The following C13orf46 variants were observed in gnomAD, a reference collection of about 807,000 sequenced individuals.
C13orf46 encodes uncharacterized protein C13orf46.
At chr13:113,957,541 A>C (rs1320200685) in intron 6 of C13orf46, among the ~76,000 whole-genome samples, 4 of 83,716 alleles carry the variant, frequency 4.8e-5, no homozygotes, top group Non-Finnish European at 7.0e-5. Flanking sequence ...TCTCCCCTGC[A>C]CTCTGCCTGC....
At chr13:113,965,688 G>T (rs1480057374) in intron 5 of C13orf46, among the ~76,000 whole-genome samples, 1 of 152,188 alleles carries the variant, frequency 6.6e-6, no homozygotes, top group African/African-American at 2.4e-5. Context: ...TGGTGATGAT[G>T]ATGGTGACAA....
intron 1 of C13orf46, among the ~76,000 whole-genome samples, chr13:113,973,605 C>T (rs1452194289): frequency 1.3e-5 from 2 of 152,230 alleles, no homozygotes; most frequent in African/African-American, 4.8e-5. Context: ...GCCCCACGCC[C>T]CCCTGCAATG....
intron 6 of C13orf46, among the ~76,000 whole-genome samples, chr13:113,958,860 G>A (rs1258879382): frequency 2.6e-5 from 4 of 151,664 alleles, no homozygotes; most frequent in Non-Finnish European, 4.4e-5. Context: ...ACGTGGTGGG[G>A]TCTCTCCTGG....
chr13:113,971,866 T>C (rs61967978), intron 1 of C13orf46, among the ~76,000 whole-genome samples: 5,869 of 152,294 alleles, frequency 0.039, 160 homozygotes, highest in Middle Eastern at 0.095. Flanking sequence ...TGGAAATGCC[T>C]CCTGCTCTTC....
chr13:113,929,728 C>A, the C13orf46 span, among the ~76,000 whole-genome samples: 4 of 152,206 alleles, frequency 2.6e-5, no homozygotes. Flanking sequence ...ACATTGGAGC[C>A]CCCCTCTGGA....
At chr13:113,965,907 G>A (rs1465659139) in intron 5 of C13orf46, among the ~76,000 whole-genome samples, 23 of 136,610 alleles carry the variant, frequency 1.7e-4, no homozygotes, top group African/African-American at 4.0e-4. Context: ...TGATGATGGC[G>A]ATGGTGATGG....
At chr13:113,930,366 A>G in the C13orf46 span, among the ~76,000 whole-genome samples, 153 of 82,668 alleles carry the variant, frequency 1.9e-3, no homozygotes, top group African/African-American at 5.4e-3. Context: ...GTGGGGGCGC[A>G]GGAGCACCGA....
At chr13:113,938,442 CG>C in the C13orf46 span, among the ~76,000 whole-genome samples, 25 of 152,192 alleles carry the variant, frequency 1.6e-4, no homozygotes, top group African/African-American at 6.0e-4. Context: ...CCTTGGCCCA[CG>C]GCCCATCTTC....
downstream of C13orf46, among the ~76,000 whole-genome samples, chr13:113,950,824 G>A (rs1400186790): frequency 3.3e-5 from 5 of 152,212 alleles, no homozygotes; most frequent in Admixed American, 2.0e-4. Context: ...GAGTCCTGCC[G>A]TCTCTGGTGA....
chr13:113,950,181 A>G (rs2052483301), downstream of C13orf46, among the ~76,000 whole-genome samples: 1 of 110,912 alleles, frequency 9.0e-6, no homozygotes, highest in African/African-American at 3.5e-5. Context: ...CACTGCTCCC[A>G]TCTGTAGAGT....
chr13:113,935,672 C>G, the C13orf46 span, among the ~76,000 whole-genome samples: 1 of 152,238 alleles, frequency 6.6e-6, no homozygotes, highest in African/African-American at 2.4e-5. Flanking sequence ...CCCACGGCAA[C>G]CATTGTTTTG....
the C13orf46 span, among the ~76,000 whole-genome samples, chr13:113,939,833 G>C: frequency 1.3e-5 from 2 of 152,190 alleles, no homozygotes; most frequent in African/African-American, 4.8e-5. Context: ...GGAGGTGCTG[G>C]GAAGGCCAAA....
the C13orf46 span, among the ~76,000 whole-genome samples, chr13:113,938,442 C>T: frequency 6.6e-6 from 1 of 152,192 alleles, no homozygotes; most frequent in Non-Finnish European, 1.5e-5. Flanking sequence ...CCTTGGCCCA[C>T]GGCCCATCTT....
the C13orf46 span, among the ~76,000 whole-genome samples, chr13:113,930,385 C>T: frequency 1.3e-4 from 13 of 102,842 alleles, no homozygotes; most frequent in African/African-American, 3.5e-4. Flanking sequence ...GAGGCGGGGG[C>T]GCAGGAGCAC....
At chr13:113,927,619 GC>G in the C13orf46 span, 2 of 398,702 alleles carry the variant, frequency 5.0e-6, no homozygotes, top group Non-Finnish European at 8.8e-6. Context: ...AGCCTTGCTG[GC>G]CTGATGCATG....
the C13orf46 span, among the ~76,000 whole-genome samples, chr13:113,937,600 C>T: frequency 8.1e-3 from 1,235 of 152,260 alleles, 23 homozygotes; most frequent in African/African-American, 0.028. Context: ...ACACAGCCTC[C>T]GGAGGTCCTG....
chr13:113,929,117 T>A, the C13orf46 span, among the ~76,000 whole-genome samples: 8 of 152,180 alleles, frequency 5.3e-5, no homozygotes, highest in African/African-American at 1.7e-4. Context: ...GCCTCGCAGG[T>A]CCCCAGGCCG....
At chr13:113,960,265 G>A (rs1215983973) in intron 6 of C13orf46, among the ~76,000 whole-genome samples, 1 of 144,742 alleles carries the variant, frequency 6.9e-6, no homozygotes, top group Non-Finnish European at 1.5e-5. Flanking sequence ...CAAAAAAAAA[G>A]ATTGAGCTTT....
chr13:113,958,876 C>T (rs2052564534), intron 6 of C13orf46, among the ~76,000 whole-genome samples: 1 of 151,644 alleles, frequency 6.6e-6, no homozygotes, highest in African/African-American at 2.4e-5. Context: ...CCTGGGGTCT[C>T]TCTGGGTCCT....
Sources: allele counts gnomAD v4.1 joint callset (sites outside exome capture counted in the v4.1 genomes callset), GRCh38; gene constraint gnomAD v4.1.1; transcripts MANE v1.5; gene names NCBI Gene and HGNC (gene_info 2026-07-23, HGNC 2026-07-21).